The following GTPBP1 variants were observed in gnomAD, a reference collection of about 807,000 sequenced individuals.
The protein encoded by GTPBP1 is GTP binding protein 1.
A neutral mutation model predicts 62.0 loss-of-function variants in GTPBP1; 23 were observed. The ratio of observed to expected loss-of-function variants is 0.37; its 90% CI spans 0.27 to 0.53. The LOEUF (loss-of-function observed/expected upper bound fraction) is 0.53. GTPBP1 is among the 20% of genes least tolerant of loss of function. The probability of loss-of-function intolerance (pLI) is 0.89; values close to 1 mark genes in which losing one functional copy is unlikely to be tolerated. For missense variants in GTPBP1, 640 were observed against 917.3 expected (o/e 0.70, Z 3.90); for synonymous variants, 344 against 364.4 (o/e 0.94, Z 0.64).
In GTPBP1 at chr22:38,730,826, C is replaced by T. The variant is rs2092754555; in HGVS notation, c.*122C>T. The T allele has an allele frequency of 1.5e-5, 9 of 581,780 alleles. No individual in the cohort carries two copies. In the East Asian group the frequency reaches 2.9e-4, roughly 19 times the overall value. 36.0% of individuals were successfully genotyped at this position (581,780 alleles called of 1,614,324 possible). On this transcript the variant is annotated 3_prime_UTR_variant, in exon 12 of 12. Coordinates refer to ENST00000216044, the MANE Select transcript of GTPBP1 (RefSeq NM_004286.5). This position sits in a 1 kb window ranked among gnomAD's most constrained non-coding sequence, Gnocchi z 5.6. ...CCCGCTCAGGCCACAGCCGGAGCCT[C>T]CGCATTGCCCCCACCCCCATTTTCC...
chr22:38,739,246 T>C, downstream of GTPBP1: 1 of 1,368,088 alleles, frequency 7.3e-7, no homozygotes, highest in Non-Finnish European at 1.0e-6. The surrounding 1 kb of genome is among the most constrained non-coding windows in gnomAD (Gnocchi z 6.7). Flanking sequence ...ATCCTGAGCT[T>C]TGCTTGCTCT....
At chr22:38,736,648 G>T (rs1335704149), downstream of GTPBP1, 1 of 306,868 alleles carries the variant, frequency 3.3e-6, no homozygotes, top group African/African-American at 2.1e-5. Flanking sequence ...GTGATCAACA[G>T]ATAGAACCAC....
chr22:38,740,526 T>C, downstream of GTPBP1: 1 of 1,340,114 alleles, frequency 7.5e-7, no homozygotes. This position sits in a 1 kb window ranked among gnomAD's most constrained non-coding sequence, Gnocchi z 4.8. Flanking sequence ...TGGGCTCCCG[T>C]CAGGAGAGCG....
intron 2 of GTPBP1, among the ~76,000 whole-genome samples, chr22:38,709,277 A>G (rs2092624529): frequency 6.6e-6 from 1 of 152,004 alleles, no homozygotes; most frequent in Admixed American, 6.6e-5. Context: ...AGGCGACAAG[A>G]GTGAAACTCT....
downstream of GTPBP1, chr22:38,737,699 G>C (rs918560448): frequency 5.6e-6 from 2 of 357,166 alleles, no homozygotes; most frequent in Non-Finnish European, 1.1e-5. This position sits in a 1 kb window ranked among gnomAD's most constrained non-coding sequence, Gnocchi z 4.1. Flanking sequence ...AGGCTCCTGG[G>C]TCCTGTCAGC....
rs1463643870 is a variant in GTPBP1, at chr22:38,731,461, C to G, written c.*757C>G. 6.5e-6 allele frequency: 1 copy of G among 152,696 alleles called. No individual in the cohort carries two copies. Among genetic ancestry groups the G allele is most frequent in the Non-Finnish European group, 1.5e-5 (1 of 68,088 alleles). The allele number at this position is 152,696 out of a possible 1,614,324, so 9.5% of individuals were successfully genotyped here. ...TTATAGGACTCTCCCCATCTCGGGC[C>G]CTGACCCTGACCCTTGCCACCAACC... On this transcript the variant is annotated 3_prime_UTR_variant, in exon 12 of 12. Transcript: ENST00000216044.
At chr22:38,709,184 T>TG (rs970450560) in intron 2 of GTPBP1, among the ~76,000 whole-genome samples, 5 of 151,850 alleles carry the variant, frequency 3.3e-5, no homozygotes, top group African/African-American at 1.2e-4. Context: ...CCCAGCTACT[T>TG]GGGAGGCTGA....
At chr22:38,722,114 G>A (rs1261307588) in intron 5 of GTPBP1, among the ~76,000 whole-genome samples, 1 of 151,990 alleles carries the variant, frequency 6.6e-6, no homozygotes, top group African/African-American at 2.4e-5. Context: ...CCGTTACACT[G>A]GTCAGTATCT....
chr22:38,714,779 G>A (rs1361983622), intron 2 of GTPBP1, among the ~76,000 whole-genome samples: 1 of 152,122 alleles, frequency 6.6e-6, no homozygotes, highest in Non-Finnish European at 1.5e-5. Flanking sequence ...TGCTGAAGGG[G>A]TTAGCCAGCC....
intron 4 of GTPBP1, among the ~76,000 whole-genome samples, chr22:38,721,240 T>C (rs996783505): frequency 6.6e-6 from 1 of 152,178 alleles, no homozygotes; most frequent in Non-Finnish European, 1.5e-5. Flanking sequence ...CCACCACGCC[T>C]GGCTAATTTT....
intron 2 of GTPBP1, among the ~76,000 whole-genome samples, chr22:38,714,982 C>T (rs1167542294): frequency 1.3e-5 from 2 of 152,216 alleles, no homozygotes; most frequent in Non-Finnish European, 2.9e-5. Flanking sequence ...AAACTCATTT[C>T]TCCAGCTGCT....
At chr22:38,719,263 TC>T (rs1467336094) in intron 4 of GTPBP1, among the ~76,000 whole-genome samples, 1 of 152,198 alleles carries the variant, frequency 6.6e-6, no homozygotes, top group African/African-American at 2.4e-5. Context: ...CACCTTGGCC[TC>T]CCAAAGTGCT....
intron 2 of GTPBP1, among the ~76,000 whole-genome samples, 187 bp downstream of exon 2, chr22:38,709,143 G>A (rs1301306471): frequency 6.6e-6 from 1 of 152,018 alleles, no homozygotes; most frequent in Non-Finnish European, 1.5e-5. Context: ...AATTAGCCGG[G>A]CGCTAATTAG....
At chr22:38,715,804 C>A in intron 2 of GTPBP1, 103 bp from the exon 3 acceptor site, 1 of 864,204 alleles carries the variant, frequency 1.2e-6, no homozygotes, top group South Asian at 1.6e-5. Context: ...GTGCTGGGGT[C>A]GGGGGGTGGT....
chr22:38,741,544 G>C, downstream of GTPBP1: 1 of 1,614,088 alleles, frequency 6.2e-7, no homozygotes, highest in Non-Finnish European at 8.5e-7. Flanking sequence ...TCTTGCTGAT[G>C]CTCTGCTCTC....
intron 2 of GTPBP1, among the ~76,000 whole-genome samples, chr22:38,709,468 G>A (rs978243587): frequency 2.0e-5 from 3 of 152,156 alleles, no homozygotes; most frequent in Admixed American, 6.5e-5. Context: ...TTTCCAAGCA[G>A]TTTTACAGAT....
downstream of GTPBP1, chr22:38,740,036 T>A: frequency 6.9e-7 from 1 of 1,444,878 alleles, no homozygotes; most frequent in Non-Finnish European, 9.4e-7. This position sits in a 1 kb window ranked among gnomAD's most constrained non-coding sequence, Gnocchi z 4.8. Context: ...ATAGCAGGGA[T>A]AGGGTAGGAG....
chr22:38,734,838 C>G (rs17032), downstream of GTPBP1: 68,767 of 180,116 alleles, frequency 0.38, 14,081 homozygotes, highest in African/African-American at 0.54. Context: ...GCAAAACAAA[C>G]CCTGGCTGCC....
downstream of GTPBP1, chr22:38,738,000 C>T (rs2092821395): frequency 4.1e-6 from 3 of 723,434 alleles, no homozygotes; most frequent in African/African-American, 1.7e-5. The surrounding 1 kb of genome is among the most constrained non-coding windows in gnomAD (Gnocchi z 4.1). Flanking sequence ...CCTGTGCTGA[C>T]GTCTGCAGGA....
Sources: allele counts gnomAD v4.1 joint callset (sites outside exome capture counted in the v4.1 genomes callset), GRCh38; gene constraint gnomAD v4.1.1; non-coding constraint Gnocchi (gnomAD v3.1); transcripts MANE v1.5; gene names NCBI Gene and HGNC (gene_info 2026-07-23, HGNC 2026-07-21).